GNAL: variants seen among roughly 807,000 people sequenced by gnomAD.
GNAL encodes G protein subunit alpha L, also known as guanine nucleotide-binding protein G(olf) subunit alpha.
GNAL carries 18 observed loss-of-function variants against 55.1 expected under a neutral mutation model. That is an observed-to-expected ratio of 0.33 (90% confidence interval 0.23 to 0.48). The LOEUF is 0.48. Among genes scored for constraint, GNAL ranks in the 20% least tolerant of loss-of-function variants. The pLI, the probability that GNAL is intolerant of heterozygous loss-of-function variation, is 0.99. For synonymous variants in GNAL, 253 were observed against 237.0 expected, an observed-to-expected ratio of 1.07 and a Z score of -0.62; for missense variants, 412 against 614.1, an observed-to-expected ratio of 0.67 and a Z score of 3.48.
intron 5 of GNAL, chr18:11,833,749 T>C (rs1408460202): frequency 6.6e-6 from 1 of 152,216 alleles, no homozygotes; most frequent in Non-Finnish European, 1.5e-5. Flanking sequence ...GAATCTCCAA[T>C]CATGGCGTGA....
chr18:11,705,677 T>G (rs941143946), intron 1 of GNAL, among the ~76,000 whole-genome samples: 1 of 152,274 alleles, frequency 6.6e-6, no homozygotes, highest in South Asian at 2.1e-4. Flanking sequence ...TATGTCATTA[T>G]GGTTTTGATT....
chr18:11,735,149 C>G (rs776566117), intron 1 of GNAL, among the ~76,000 whole-genome samples: 4 of 151,740 alleles, frequency 2.6e-5, no homozygotes, highest in Non-Finnish European at 4.4e-5. Flanking sequence ...CTCCCAGGTT[C>G]AAGTGATTCT....
chr18:11,850,828 T>G (rs79875741), intron 5 of GNAL, among the ~76,000 whole-genome samples: 3,279 of 152,312 alleles, frequency 0.022, 121 homozygotes, highest in African/African-American at 0.074. Flanking sequence ...TTTTGAAGAT[T>G]ATTTTCACTC....
chr18:11,869,684 G>C (rs372272788), intron 9 of GNAL, among the ~76,000 whole-genome samples: 10 of 151,816 alleles, frequency 6.6e-5, no homozygotes, highest in Non-Finnish European at 1.0e-4. Context: ...AGGCTGAGAC[G>C]GGGGAATTGC....
At chr18:11,857,446 G>C in intron 5 of GNAL, 1 of 981,034 alleles carries the variant, frequency 1.0e-6, no homozygotes, top group Non-Finnish European at 1.2e-6. Context: ...TGTTAAAAGA[G>C]ACTGAAGGGG....
chr18:11,807,877 G>A (rs562884814), intron 4 of GNAL, among the ~76,000 whole-genome samples: 1 of 152,260 alleles, frequency 6.6e-6, no homozygotes, highest in African/African-American at 2.4e-5. Flanking sequence ...CCAAGACAGT[G>A]TTTCACGGGG....
chr18:11,760,431 AAAAGGGCAC>A (rs2033203664), intron 4 of GNAL, among the ~76,000 whole-genome samples: 1 of 152,094 alleles, frequency 6.6e-6, no homozygotes, highest in African/African-American at 2.4e-5. Flanking sequence ...AGCTGGTGTA[AAAAGGGCAC>A]AGTAAACTTT....
intron 1 of GNAL, among the ~76,000 whole-genome samples, chr18:11,743,896 C>T (rs1409899490): frequency 6.6e-6 from 1 of 150,848 alleles, no homozygotes; most frequent in Admixed American, 6.6e-5. Context: ...CCCACACCTA[C>T]CCTTGCCTCA....
intron 4 of GNAL, among the ~76,000 whole-genome samples, chr18:11,758,853 A>G (rs2033147662): frequency 6.6e-6 from 1 of 152,234 alleles, no homozygotes; most frequent in Non-Finnish European, 1.5e-5. Context: ...TTATGCCAAA[A>G]CATAGATTAG....
intron 4 of GNAL, among the ~76,000 whole-genome samples, chr18:11,808,168 T>C (rs986906196): frequency 6.6e-6 from 1 of 151,080 alleles, no homozygotes; most frequent in Admixed American, 6.6e-5. Flanking sequence ...CTGCAGGGAG[T>C]GGAAGGAATC....
At chr18:11,713,784 G>A (rs1041827761) in intron 1 of GNAL, among the ~76,000 whole-genome samples, 1 of 152,130 alleles carries the variant, frequency 6.6e-6, no homozygotes, top group Admixed American at 6.5e-5. Context: ...GAGCACCTCC[G>A]AGCTCCCTTT....
rs546605781 is a variant in GNAL at position 11,772,083 on chromosome 18, G to A, written c.624+18138G>A. On this transcript the variant is annotated intron_variant, in intron 4 of 11. Transcript: ENST00000334049. ...CCACATCATACAAATCATTTCAAGA[G>A]CATCTAGCCCTACAGGAAGATCATG... Among the ~76,000 whole-genome samples, 4 of 152,192 alleles carry A rather than the reference G, an allele frequency of 2.6e-5. No individual in the cohort carries two copies. The South Asian group carries it at 6.2e-4, about 24-fold the overall frequency.
chr18:11,776,014 C>T (rs529699956), intron 4 of GNAL, among the ~76,000 whole-genome samples: 2 of 152,324 alleles, frequency 1.3e-5, no homozygotes, highest in South Asian at 4.1e-4. Context: ...GAAAAGGTGT[C>T]TCCGGATGGG....
chr18:11,724,140 A>G (rs1199089083), intron 1 of GNAL, among the ~76,000 whole-genome samples: 1 of 152,204 alleles, frequency 6.6e-6, no homozygotes, highest in African/African-American at 2.4e-5. Flanking sequence ...CTGGAAAGAA[A>G]TGCCTGAGAC....
rs565259959 is a variant in GNAL, at chr18:11,809,213, G to T, written c.625-15705G>T. Among the ~76,000 whole-genome samples the T allele has an allele frequency of 3.3e-5, 5 of 152,090 alleles. No individual in the cohort carries two copies. In the East Asian group the frequency reaches 7.7e-4, roughly 24 times the overall value. ...GCGGAAGTTGCAGTGAGCTGAGATC[G>T]TGCCACTGCCCTCCAGCCTGGGCGA... On this transcript the variant is annotated intron_variant, in intron 4 of 11. Transcript: ENST00000334049.
At chr18:11,737,123 A>G (rs1034529227) in intron 1 of GNAL, among the ~76,000 whole-genome samples, 4 of 152,210 alleles carry the variant, frequency 2.6e-5, no homozygotes, top group African/African-American at 7.2e-5. Flanking sequence ...TGGTGTATCT[A>G]TTTATGGGTT....
intron 1 of GNAL, among the ~76,000 whole-genome samples, chr18:11,727,092 T>C (rs576243770): frequency 3.3e-5 from 5 of 152,124 alleles, no homozygotes; most frequent in Non-Finnish European, 7.4e-5. Context: ...CCCTCCCTCC[T>C]TGCTGTTCAG....
At chr18:11,796,586 A>C (rs1395396579) in intron 4 of GNAL, among the ~76,000 whole-genome samples, 4 of 148,548 alleles carry the variant, frequency 2.7e-5, no homozygotes, top group African/African-American at 5.1e-5. Flanking sequence ...AAAAAAAAAA[A>C]AAAAAAAAAC....
intron 5 of GNAL, among the ~76,000 whole-genome samples, chr18:11,849,097 A>C (rs2035798226): frequency 6.6e-6 from 1 of 152,232 alleles, no homozygotes; most frequent in African/African-American, 2.4e-5. Context: ...GCCCAGAACA[A>C]TGTCTGGTGC....
Sources: gnomAD v4.1 joint callset for allele counts (sites outside exome capture counted in the v4.1 genomes callset) on GRCh38, gnomAD v4.1.1 for gene constraint, MANE v1.5 for transcripts, NCBI Gene and HGNC (gene_info 2026-07-23, HGNC 2026-07-21) for gene names.